FARS2: variants seen among roughly 807,000 people sequenced by gnomAD.
FARS2 encodes the protein phenylalanyl-tRNA synthetase 2, mitochondrial, also known as phenylalanine--tRNA ligase, mitochondrial.
FARS2 carries 40 observed loss-of-function variants against 46.4 expected under a neutral mutation model. The observed-to-expected ratio is 0.86, with a 90% confidence interval of 0.67 to 1.12. The LOEUF (loss-of-function observed/expected upper bound fraction) is 1.12. Ranked by LOEUF, FARS2 falls within the 50% of genes most tolerant of loss-of-function variation. FARS2 has a pLI of 0.00. For synonymous variants in FARS2, 234 were observed against 214.9 expected, an observed-to-expected ratio of 1.09 and a Z score of -0.78; for missense variants, 513 against 567.9, an observed-to-expected ratio of 0.90 and a Z score of 0.98.
At chr6:5,468,557 C>T (rs1309698440) in intron 4 of FARS2, among the ~76,000 whole-genome samples, 1 of 152,026 alleles carries the variant, frequency 6.6e-6, no homozygotes, top group Non-Finnish European at 1.5e-5. Context: ...ATAATTCGAC[C>T]AGAAATCTTT....
chr6:5,663,651 G>T (rs1252694114), intron 6 of FARS2, among the ~76,000 whole-genome samples: 1 of 152,218 alleles, frequency 6.6e-6, no homozygotes, highest in Non-Finnish European at 1.5e-5. Flanking sequence ...ACAAAAGTTG[G>T]TGTGGAAGAA....
intron 4 of FARS2, among the ~76,000 whole-genome samples, chr6:5,504,865 A>G (rs991747331): frequency 1.3e-5 from 2 of 152,006 alleles, no homozygotes; most frequent in Non-Finnish European, 2.9e-5. Context: ...TCTCTCTGTT[A>G]CCCCGGCTGG....
Position 5,771,529 on chromosome 6 carries a change from A to T in FARS2, c.*100A>T. 1 of 1,268,608 alleles carries T rather than the reference A, an allele frequency of 7.9e-7. No individual in the cohort carries two copies. The highest frequency in any genetic ancestry group is 1.1e-6 in the Non-Finnish European group (1 of 911,910). The allele number at this position is 1,268,608 out of a possible 1,614,324, so 78.6% of individuals were successfully genotyped here. A position where few individuals can be genotyped will look rare whatever the true frequency, so the allele number is the denominator to read the frequency against. On this transcript the variant is annotated 3_prime_UTR_variant, in exon 7 of 7. Transcript: ENST00000274680. Reference sequence around the variant, plus strand: ...GAACTGGGGCATCAATCATCTTTTGATAAATGGATCAGTTTTAGGACTTTC... The same window carrying T: ...GAACTGGGGCATCAATCATCTTTTGTTAAATGGATCAGTTTTAGGACTTTC...
intron 1 of FARS2, among the ~76,000 whole-genome samples, chr6:5,319,314 G>A (rs1469218424): frequency 2.0e-5 from 3 of 152,160 alleles, no homozygotes; most frequent in South Asian, 2.1e-4. Context: ...ACGCTAAGAG[G>A]TAAAATGATG....
chr6:5,766,782 C>T (rs1215228239), intron 6 of FARS2, among the ~76,000 whole-genome samples: 11 of 152,150 alleles, frequency 7.2e-5, no homozygotes, highest in South Asian at 4.1e-4. Context: ...TATGTCATTA[C>T]CCCAAAGGAA....
intron 1 of FARS2, among the ~76,000 whole-genome samples, chr6:5,282,461 A>G (rs1040207791): frequency 2.6e-5 from 4 of 152,176 alleles, no homozygotes; most frequent in South Asian, 2.1e-4. Flanking sequence ...GCCACGAGCC[A>G]TTTTAGCCGG....
At chr6:5,373,438 A>G (rs1759181166) in intron 2 of FARS2, among the ~76,000 whole-genome samples, 1 of 152,158 alleles carries the variant, frequency 6.6e-6, no homozygotes, top group African/African-American at 2.4e-5. Context: ...AGTCTGATTA[A>G]TTCTCTAGAC....
chr6:5,326,941 G>A (rs925872602), intron 1 of FARS2, among the ~76,000 whole-genome samples: 2 of 152,156 alleles, frequency 1.3e-5, no homozygotes, highest in Non-Finnish European at 2.9e-5. Context: ...AACCAGTGTT[G>A]TAGCCCACCT....
intron 4 of FARS2, among the ~76,000 whole-genome samples, chr6:5,478,669 C>A (rs546993197): frequency 1.1e-4 from 16 of 152,194 alleles, no homozygotes; most frequent in African/African-American, 3.9e-4. Flanking sequence ...CTTGCAAGTG[C>A]GGAACAACCA....
rs534233671 is a variant in FARS2, at chr6:5,432,861, G to A, written c.904+1689G>A. ...GGATGAGCAGAGAGTGACGAGACAGGGTGCATGAAGTGCAGGAGCTTGTGT... is the reference window on the plus strand; with the variant it reads ...GGATGAGCAGAGAGTGACGAGACAGAGTGCATGAAGTGCAGGAGCTTGTGT... On this transcript the variant is annotated intron_variant, in intron 4 of 6. Transcript: ENST00000274680. 3.5e-4 allele frequency among the ~76,000 whole-genome samples: 53 copies of A among 152,262 alleles called. 1 individual carries two copies. The highest frequency in any genetic ancestry group is 1.2e-3 in the African/African-American group (51 of 41,540).
chr6:5,669,009 T>C (rs1006266048), intron 6 of FARS2, among the ~76,000 whole-genome samples: 1 of 152,130 alleles, frequency 6.6e-6, no homozygotes, highest in African/African-American at 2.4e-5. Flanking sequence ...GTTGAGCAAG[T>C]TTCTTAACTT....
intron 1 of FARS2, among the ~76,000 whole-genome samples, chr6:5,266,561 C>G (rs1765563258): frequency 6.6e-6 from 1 of 152,078 alleles, no homozygotes; most frequent in Admixed American, 6.5e-5. Context: ...GCCAGGGTCA[C>G]ACAGCTGGAA....
intron 2 of FARS2, among the ~76,000 whole-genome samples, chr6:5,373,948 A>G (rs1254608364): frequency 6.6e-6 from 1 of 152,124 alleles, no homozygotes; most frequent in Non-Finnish European, 1.5e-5. Flanking sequence ...ACCACTGGAA[A>G]TTTGAGCACT....
At chr6:5,445,951 G>C (rs970509027) in intron 4 of FARS2, among the ~76,000 whole-genome samples, 1 of 152,166 alleles carries the variant, frequency 6.6e-6, no homozygotes, top group Non-Finnish European at 1.5e-5. Flanking sequence ...TGTAATCCCA[G>C]CACTTGGGGA....
intron 6 of FARS2, among the ~76,000 whole-genome samples, chr6:5,669,882 C>T (rs1414183961): frequency 6.6e-6 from 1 of 152,146 alleles, no homozygotes; most frequent in Non-Finnish European, 1.5e-5. Flanking sequence ...CTGCCTCTAA[C>T]CCCACACCTT....
chr6:5,269,872 A>G lies in FARS2; in HGVS notation c.-22+8212A>G, dbSNP rs185422391. ...CATGATTTCTTTGGTATTATAGTGA[A>G]TTACATGATTTAATATTTTATAACG... is the stretch of plus-strand genomic sequence containing the variant. On this transcript the variant is annotated intron_variant, in intron 1 of 6. Coordinates refer to ENST00000274680, the MANE Select transcript of FARS2 (RefSeq NM_006567.5). Among the ~76,000 whole-genome samples the G allele has an allele frequency of 1.6e-3, 238 of 152,344 alleles. 3 individuals carry two copies. The highest frequency in any genetic ancestry group is 5.2e-3 in the African/African-American group (215 of 41,582).
chr6:5,274,368 A>G (rs1766180212), intron 1 of FARS2, among the ~76,000 whole-genome samples: 1 of 152,256 alleles, frequency 6.6e-6, no homozygotes, highest in Admixed American at 6.5e-5. Flanking sequence ...ATAGCCAGGC[A>G]TAGCCACAAG....
At chr6:5,767,302 C>T (rs1429303107) in intron 6 of FARS2, among the ~76,000 whole-genome samples, 3 of 152,100 alleles carry the variant, frequency 2.0e-5, no homozygotes, top group Non-Finnish European at 2.9e-5. Flanking sequence ...GTGATCCACC[C>T]GTCTTGGCCT....
chr6:5,765,589 G>A lies in FARS2; in HGVS notation c.1218-5702G>A, dbSNP rs1762710740. ...TGTACTAGACAAACAGCGCGTGTCA[G>A]TGTTCTCGGGGAGGTGGGAGAAATT... On this transcript the variant is annotated intron_variant, in intron 6 of 6. Coordinates refer to ENST00000274680, the MANE Select transcript of FARS2 (RefSeq NM_006567.5). The surrounding 1 kb of genome is among the most constrained non-coding windows in gnomAD (Gnocchi z 4.0). 1.3e-5 allele frequency among the ~76,000 whole-genome samples: 2 copies of A among 152,228 alleles called. No individual in the cohort carries two copies. The highest frequency in any genetic ancestry group is 4.8e-5 in the African/African-American group (2 of 41,454).
Sources: allele counts gnomAD v4.1 joint callset (sites outside exome capture counted in the v4.1 genomes callset), GRCh38; gene constraint gnomAD v4.1.1; non-coding constraint Gnocchi (gnomAD v3.1); transcripts MANE v1.5; gene names NCBI Gene and HGNC (gene_info 2026-07-23, HGNC 2026-07-21).